The following STRN3 variants were observed in gnomAD, a reference collection of about 807,000 sequenced individuals.
The protein encoded by STRN3 is striatin 3.
Under a neutral mutation model 95.6 loss-of-function variants are expected in STRN3, and 29 were observed. The observed-to-expected ratio is 0.30, with a 90% CI of 0.23 to 0.41. The LOEUF is 0.41. STRN3 is among the 10% of genes least tolerant of loss of function. The pLI is 1.00. For missense variants in STRN3, 890 were observed against 972.1 expected (o/e 0.92, Z 1.12); for synonymous variants, 331 against 357.6 (o/e 0.93, Z 0.84).
At chr14:30,947,028 A>G in intron 5 of STRN3, 62 bp downstream of exon 5, 1 of 1,231,622 alleles carries the variant, frequency 8.1e-7, no homozygotes, top group Non-Finnish European at 1.1e-6. Flanking sequence ...GGAGCTAAAG[A>G]GATTAACAAT....
chr14:30,966,127 G>T (rs1880490513), intron 1 of STRN3, among the ~76,000 whole-genome samples: 1 of 151,934 alleles, frequency 6.6e-6, no homozygotes, highest in African/African-American at 2.4e-5. Context: ...TAGCCAATCG[G>T]AATTAGTTTA....
intron 1 of STRN3, among the ~76,000 whole-genome samples, chr14:30,970,384 A>G (rs939623657): frequency 7.9e-5 from 12 of 152,350 alleles, no homozygotes; most frequent in African/African-American, 2.9e-4. Flanking sequence ...ACTAAAGAGC[A>G]AGGATAGACT....
At chr14:30,900,445 G>GGC (rs1437360530) in intron 16 of STRN3, among the ~76,000 whole-genome samples, 1 of 148,994 alleles carries the variant, frequency 6.7e-6, no homozygotes, top group South Asian at 2.1e-4. Flanking sequence ...GTGTGGGGCG[G>GGC]GGGGGGGCGG....
chr14:30,946,765 G>T (rs181783992), intron 5 of STRN3, among the ~76,000 whole-genome samples: 16 of 152,230 alleles, frequency 1.1e-4, no homozygotes, highest in African/African-American at 3.6e-4. Flanking sequence ...ATCACCTGAG[G>T]TCAGGAGTTC....
In STRN3 at chr14:30,936,641, A is replaced by G. The variant is rs1036630734; in HGVS notation, c.717-17T>C. ...CCAGAGGACCTGTGCGAAGGAAAAA[A>G]AGATAAATCCAACTATTCCAATGGT... On this transcript the variant is annotated splice_polypyrimidine_tract_variant and intron_variant, in intron 5 of 17. Transcript: ENST00000357479. The G allele has an allele frequency of 1.9e-6, 3 of 1,594,580 alleles. No homozygotes were observed. Among genetic ancestry groups the G allele is most frequent in the African/African-American group, 2.7e-5 (2 of 73,528 alleles).
chr14:30,918,966 C>A lies in STRN3; in HGVS notation c.1240G>T (p.Ala414Ser). 6.4e-7 allele frequency: 1 copy of A among 1,562,264 alleles called. No individual in the cohort carries two copies. The highest frequency in any genetic ancestry group is 8.7e-7 in the Non-Finnish European group (1 of 1,152,786). The change falls in exon 9 of 18, where the codon GCT (alanine) becomes TCT (serine). Residue 414 changes from alanine to serine, a missense_variant and splice_region_variant. This residue lies in a region of STRN3 where 526 missense variants were observed against 526.3 expected (regional missense o/e 1.00). Transcript: ENST00000357479. ...TDHEGARAEE[A>S]EPITFPSGGG... is the part of the protein sequence containing the mutation. ...TAAACATGGTAGCTAAATTTTGTAC[C>A]TTCCTCTGCTCTTGCACCTTCATGA...
intron 13 of STRN3, among the ~76,000 whole-genome samples, chr14:30,908,917 C>T (rs1566429198): frequency 1.3e-5 from 2 of 152,168 alleles, no homozygotes; most frequent in African/African-American, 2.4e-5. Context: ...CTTTGGGCTC[C>T]TTATTTGTAT....
At chr14:30,948,671 G>A (rs1439994420) in intron 4 of STRN3, among the ~76,000 whole-genome samples, 1 of 152,170 alleles carries the variant, frequency 6.6e-6, no homozygotes, top group African/African-American at 2.4e-5. Flanking sequence ...AAAACAGACA[G>A]CTGACAAATG....
chr14:30,938,442 T>C lies in STRN3; in HGVS notation c.717-1818A>G, dbSNP rs550703263. On this transcript the variant is annotated intron_variant, in intron 5 of 17. Transcript: ENST00000357479. The stretch of plus-strand genomic sequence containing the variant: ...TACAATAATTTAAAAGAATTTTTTT[T>C]AAAGATATATTTGTTTTGAACTTTG... 2.6e-5 allele frequency among the ~76,000 whole-genome samples: 4 copies of C among 152,202 alleles called. No homozygotes were observed. In the East Asian group the frequency reaches 5.8e-4, roughly 22 times the overall value.
At chr14:30,957,089 CG>C (rs1879948111) in intron 1 of STRN3, among the ~76,000 whole-genome samples, 1 of 152,056 alleles carries the variant, frequency 6.6e-6, no homozygotes, top group Non-Finnish European at 1.5e-5. Flanking sequence ...ACCTGGGAGG[CG>C]GAAGCTGCAG....
intron 3 of STRN3, among the ~76,000 whole-genome samples, chr14:30,952,262 A>G (rs544028592): frequency 6.6e-6 from 1 of 152,362 alleles, no homozygotes; most frequent in South Asian, 2.1e-4. Flanking sequence ...ATAAAGACAC[A>G]GTGAAGAAGA....
chr14:30,902,516 A>AAAGAAGACAATT lies in STRN3; in HGVS notation c.2137+8_2137+19dup. The AAAGAAGACAATT allele has an allele frequency of 6.7e-7, 1 of 1,490,834 alleles. No individual in the cohort carries two copies. Among genetic ancestry groups the AAAGAAGACAATT allele is most frequent in the Non-Finnish European group, 9.2e-7 (1 of 1,082,880 alleles). 92.4% of individuals were successfully genotyped at this position (1,490,834 alleles called of 1,614,324 possible). ...CAAATTTACAGTATTACTAATATGA[A>AAAGAAGACAATT]AAGAAGACAATTTGCTTACCCGTTT... is the stretch of plus-strand genomic sequence containing the variant. On this transcript the variant is annotated intron_variant, in intron 16 of 17. Transcript: ENST00000357479.
chr14:30,980,548 C>A (rs1881342714), intron 1 of STRN3, among the ~76,000 whole-genome samples: 1 of 151,990 alleles, frequency 6.6e-6, no homozygotes, highest in Admixed American at 6.6e-5. Context: ...GCTGGGATTA[C>A]AGGCACCCGC....
In STRN3 at chr14:30,912,101, A is replaced by T; in HGVS notation, c.1456T>A (p.Leu486Ile). 6.2e-7 allele frequency: 1 copy of T among 1,614,168 alleles called. No individual in the cohort carries two copies. The highest frequency in any genetic ancestry group is 8.5e-7 in the Non-Finnish European group (1 of 1,180,010). Reference protein sequence around the residue: ...LRSHFDGVRALAFHPVEPVLV... With the variant: ...LRSHFDGVRAIAFHPVEPVLV... ...ACAGGTTCTACAGGATGAAAAGCTA[A>T]TGCCCGTACTCCATCAAAATGGCTA... is the stretch of plus-strand genomic sequence containing the variant. Residue 486 changes from leucine (L) to isoleucine (I), a missense_variant, in exon 11 of 18, where the codon TTA (leucine) becomes ATA (isoleucine). Transcript: ENST00000357479.
At chr14:30,897,042 C>T (rs139946204) in intron 16 of STRN3, among the ~76,000 whole-genome samples, 36 of 152,320 alleles carry the variant, frequency 2.4e-4, no homozygotes, top group Admixed American at 6.5e-4. Context: ...TTATAAGTTA[C>T]TCTCCTTTCA....
At chr14:30,972,036 C>G (rs1220346434) in intron 1 of STRN3, among the ~76,000 whole-genome samples, 1 of 152,198 alleles carries the variant, frequency 6.6e-6, no homozygotes, top group East Asian at 1.9e-4. Flanking sequence ...TAAGGAAACA[C>G]AAGGGGAGGG....
At chr14:30,922,534 A>G (rs145729753) in intron 8 of STRN3, among the ~76,000 whole-genome samples, 35 of 152,320 alleles carry the variant, frequency 2.3e-4, no homozygotes, top group Admixed American at 2.3e-3. Flanking sequence ...CCTACGCCCT[A>G]TATAACTGTA....
intron 1 of STRN3, among the ~76,000 whole-genome samples, chr14:30,973,691 TC>T (rs1880950651): frequency 6.6e-6 from 1 of 152,028 alleles, no homozygotes; most frequent in African/African-American, 2.4e-5. Context: ...CCAATCAACA[TC>T]CCCTGTGAAC....
At chr14:31,012,554 A>G (rs1055936636) in intron 1 of STRN3, among the ~76,000 whole-genome samples, 6 of 152,070 alleles carry the variant, frequency 3.9e-5, no homozygotes, top group Non-Finnish European at 7.4e-5. Flanking sequence ...TAGGTGGATC[A>G]ACTTTGGCCT....
Sources: allele counts gnomAD v4.1 joint callset (sites outside exome capture counted in the v4.1 genomes callset), GRCh38; gene constraint gnomAD v4.1.1; regional missense constraint gnomAD v4.1.1; transcripts MANE v1.5; gene names NCBI Gene and HGNC (gene_info 2026-07-23, HGNC 2026-07-21).